The following STX18 variants were observed in gnomAD, a reference collection of about 807,000 sequenced individuals.
The protein encoded by STX18 is syntaxin-18.
In STX18, 40 loss-of-function variants were observed where a neutral mutation model predicts 50.1. The ratio of observed to expected loss-of-function variants is 0.80; its 90% CI spans 0.62 to 1.04. The LOEUF (loss-of-function observed/expected upper bound fraction) is 1.04, where lower values mean the gene tolerates loss of function less well. Among genes scored for constraint, STX18 ranks in the 50% least tolerant of loss-of-function variants. The pLI is 0.00. For missense variants in STX18, 410 were observed against 415.8 expected, an observed-to-expected ratio of 0.99 and a Z score of 0.12; for synonymous variants, 158 against 151.8, an observed-to-expected ratio of 1.04 and a Z score of -0.30.
chr4:4,534,095 A>T (rs1247762635), intron 1 of STX18, among the ~76,000 whole-genome samples: 1 of 152,178 alleles, frequency 6.6e-6, no homozygotes, highest in African/African-American at 2.4e-5. Context: ...TCTCCATGCA[A>T]CTGGCTGGGC....
chr4:4,464,421 G>T (rs999775208), intron 2 of STX18, among the ~76,000 whole-genome samples: 1 of 152,194 alleles, frequency 6.6e-6, no homozygotes, highest in Non-Finnish European at 1.5e-5. Context: ...TATTTAGTGT[G>T]TGAGAAACTA....
At chr4:4,539,546 C>T (rs986488957) in intron 1 of STX18, among the ~76,000 whole-genome samples, 14 of 152,182 alleles carry the variant, frequency 9.2e-5, no homozygotes, top group African/African-American at 3.1e-4. Flanking sequence ...TGTATGTTTC[C>T]TCTACGTCAG....
chr4:4,535,716 CAG>C, intron 1 of STX18, among the ~76,000 whole-genome samples: 1 of 152,236 alleles, frequency 6.6e-6, no homozygotes, highest in African/African-American at 2.4e-5. Flanking sequence ...GCTCTGTTCA[CAG>C]CTTGCATTCT....
At chr4:4,450,034 A>G (rs1040758237) in intron 5 of STX18, among the ~76,000 whole-genome samples, 4 of 152,298 alleles carry the variant, frequency 2.6e-5, no homozygotes, top group Non-Finnish European at 4.4e-5. Context: ...CTGAAGGTGA[A>G]GTTGGTATTT....
intron 2 of STX18, among the ~76,000 whole-genome samples, chr4:4,470,440 G>A (rs1025539161): frequency 1.3e-5 from 2 of 152,178 alleles, no homozygotes; most frequent in East Asian, 1.9e-4. Flanking sequence ...CATTCAACAA[G>A]TATTTACTGA....
At chr4:4,513,727 A>G (rs1048990700) in intron 1 of STX18, among the ~76,000 whole-genome samples, 2 of 152,234 alleles carry the variant, frequency 1.3e-5, no homozygotes, top group Non-Finnish European at 2.9e-5. Context: ...TTTAATGCTG[A>G]GTAAAAACTA....
intron 1 of STX18, chr4:4,507,254 A>C: frequency 1.5e-6 from 1 of 682,340 alleles, no homozygotes; most frequent in East Asian, 2.9e-5. Flanking sequence ...ACAGTGTACT[A>C]TAAAGAGTCC....
chr4:4,450,985 T>C (rs1577334162), intron 5 of STX18, among the ~76,000 whole-genome samples: 1 of 152,242 alleles, frequency 6.6e-6, no homozygotes, highest in East Asian at 1.9e-4. Context: ...GCCTTTCTTT[T>C]CTTAAGTGAT....
Position 4,471,790 on chromosome 4 carries a change from C to T in STX18, c.169-84G>A, listed in dbSNP as rs567997599. ...TTTTAAATTAATAGAGAATAAAATG[C>T]AAATTGCAGAAAGATTCTGAAGCTA... On this transcript the variant is annotated intron_variant, in intron 1 of 10. Coordinates refer to ENST00000306200, the MANE Select transcript of STX18 (RefSeq NM_016930.4). 2.9e-6 allele frequency: 3 copies of T among 1,019,312 alleles called. No homozygotes were observed. The Admixed American group carries it at 9.1e-5, about 31-fold the overall frequency. The allele number at this position is 1,019,312 out of a possible 1,614,324, so 63.1% of individuals were successfully genotyped here. A position where few individuals can be genotyped will look rare whatever the true frequency, so the allele number is the denominator to read the frequency against.
At chr4:4,508,889 G>A (rs768393393) in intron 1 of STX18, among the ~76,000 whole-genome samples, 6 of 152,206 alleles carry the variant, frequency 3.9e-5, no homozygotes, top group Admixed American at 2.0e-4. Flanking sequence ...CAAAGGACAT[G>A]ATCGTGTTCC....
rs75369117 is a variant in STX18 at position 4,420,748 on chromosome 4, G to A, written c.912+116C>T. On this transcript the variant is annotated intron_variant, in intron 10 of 10. Coordinates refer to ENST00000306200, the MANE Select transcript of STX18 (RefSeq NM_016930.4). The surrounding 1 kb of genome is among the most constrained non-coding windows in gnomAD (Gnocchi z 4.3). ...CCGCGGTCACACAATTTTGTGATCA[G>A]CCCCGTGAGCTCTGCCCAGCAAGGC... 2,972 of 916,036 alleles carry A rather than the reference G, an allele frequency of 3.2e-3. 55 individuals carry two copies. In the African/African-American group the frequency reaches 0.041, roughly 13 times the overall value. 56.7% of individuals were successfully genotyped at this position (916,036 alleles called of 1,614,324 possible).
rs182922159 is a variant in STX18, at chr4:4,492,962, G to C, written c.169-21256C>G. On this transcript the variant is annotated intron_variant, in intron 1 of 10. Transcript: ENST00000306200. The stretch of plus-strand genomic sequence containing the variant: ...ATGAGATTTAAAATTCATGGCTTCA[G>C]ATTTTTCTCTGCATAATAAATAATT... 2.3e-3 allele frequency among the ~76,000 whole-genome samples: 348 copies of C among 152,184 alleles called. 1 individual carries two copies. The highest frequency in any genetic ancestry group is 8.0e-3 in the African/African-American group (332 of 41,552).
intron 2 of STX18, among the ~76,000 whole-genome samples, chr4:4,469,029 CCAGA>C (rs2108832287): frequency 6.6e-6 from 1 of 152,284 alleles, no homozygotes; most frequent in South Asian, 2.1e-4. Context: ...GGTAGACACA[CCAGA>C]GTGTGTACCA....
At chr4:4,541,265 CTG>C (rs1731579182) in intron 1 of STX18, among the ~76,000 whole-genome samples, 2 of 152,198 alleles carry the variant, frequency 1.3e-5, no homozygotes, top group Admixed American at 1.3e-4. Flanking sequence ...GACTGTAACA[CTG>C]TGTTTGCGAA....
intron 1 of STX18, among the ~76,000 whole-genome samples, chr4:4,479,237 T>G (rs913293431): frequency 6.6e-6 from 1 of 152,236 alleles, no homozygotes. Context: ...ATTATTACCC[T>G]TTTGCAGATG....
chr4:4,440,826 C>G (rs1485983779), intron 5 of STX18, among the ~76,000 whole-genome samples: 1 of 152,128 alleles, frequency 6.6e-6, no homozygotes, highest in African/African-American at 2.4e-5. Flanking sequence ...AGTCATAAAA[C>G]TTAGTGCCTT....
chr4:4,500,172 TAAG>T (rs1338812496), intron 1 of STX18, among the ~76,000 whole-genome samples: 5 of 152,312 alleles, frequency 3.3e-5, no homozygotes, highest in Middle Eastern at 3.4e-3. Flanking sequence ...ATGCAAAATA[TAAG>T]GAGGAAAATA....
At chr4:4,515,648 C>T (rs1040138134) in intron 1 of STX18, among the ~76,000 whole-genome samples, 3 of 152,088 alleles carry the variant, frequency 2.0e-5, no homozygotes, top group Admixed American at 6.6e-5. Context: ...GAGAGACACA[C>T]GTGCTTTAGC....
At chr4:4,501,580 T>C (rs748280479) in intron 1 of STX18, among the ~76,000 whole-genome samples, 9 of 152,220 alleles carry the variant, frequency 5.9e-5, no homozygotes, top group Non-Finnish European at 1.0e-4. Context: ...TGTTTTGCGT[T>C]CTAACATTTT....
Sources: allele counts gnomAD v4.1 joint callset (sites outside exome capture counted in the v4.1 genomes callset), GRCh38; gene constraint gnomAD v4.1.1; non-coding constraint Gnocchi (gnomAD v3.1); transcripts MANE v1.5; gene names NCBI Gene and HGNC (gene_info 2026-07-23, HGNC 2026-07-21).